Variants in JMJD6 observed in about 807,000 individuals in gnomAD.
JMJD6 encodes the protein bifunctional arginine demethylase and lysyl-hydroxylase JMJD6.
A neutral mutation model predicts 45.8 loss-of-function variants in JMJD6; 17 were observed. That is an observed-to-expected ratio of 0.37 (90% CI 0.25 to 0.56). JMJD6 has a LOEUF of 0.56. Ranked by LOEUF, JMJD6 falls within the 20% of genes least tolerant of loss-of-function variation. JMJD6 has a pLI of 0.79. For synonymous variants in JMJD6, 221 were observed against 196.3 expected (o/e 1.13, Z -1.05); for missense variants, 470 against 517.5 (o/e 0.91, Z 0.89).
chr17:76,726,129 T>G (rs928971167), intron 1 of JMJD6, among the ~76,000 whole-genome samples: 1 of 152,160 alleles, frequency 6.6e-6, no homozygotes, highest in Non-Finnish European at 1.5e-5. Flanking sequence ...GGCGTGGGAC[T>G]CCCGTCGTCC....
chr17:76,722,469 C>T (rs746597224), intron 3 of JMJD6, among the ~76,000 whole-genome samples: 3 of 152,190 alleles, frequency 2.0e-5, no homozygotes, highest in Non-Finnish European at 4.4e-5. Context: ...GCAATCCCAG[C>T]ACTTTGGGAG....
At chr17:76,716,942 T>G (rs2076769281), downstream of JMJD6, among the ~76,000 whole-genome samples, 1 of 151,622 alleles carries the variant, frequency 6.6e-6, no homozygotes, top group South Asian at 2.1e-4. Context: ...GCAGGAAGAG[T>G]CTAAGTATGG....
chr17:76,716,590 C>A, downstream of JMJD6: 1 of 1,131,294 alleles, frequency 8.8e-7, no homozygotes, highest in Admixed American at 1.8e-5. Flanking sequence ...TCAAAGAAGA[C>A]AGAGGAGAAG....
chr17:76,720,513 G>T lies in JMJD6; in HGVS notation c.942-15C>A, dbSNP rs749627781. 1.2e-6 allele frequency: 2 copies of T among 1,613,570 alleles called. No individual in the cohort carries two copies. Among genetic ancestry groups the T allele is most frequent in the Admixed American group, 3.3e-5 (2 of 60,010 alleles). On this transcript the variant is annotated splice_polypyrimidine_tract_variant and intron_variant, in intron 4 of 5. Transcript: ENST00000397625. ...GCTTCAAAATCCTGAGAGGCAAGAAGTGTTGTTCTCAGTGCACTGACAGCC... is the reference window on the plus strand; with the variant it reads ...GCTTCAAAATCCTGAGAGGCAAGAATTGTTGTTCTCAGTGCACTGACAGCC...
chr17:76,713,296 C>T (rs1567994907), exon 7 of JMJD6: 1 of 152,226 alleles, frequency 6.6e-6, no homozygotes. Flanking sequence ...CGGGGTTTCA[C>T]CGTGTTGGCC....
intron 3 of JMJD6, among the ~76,000 whole-genome samples, chr17:76,722,996 G>C: frequency 6.7e-6 from 1 of 148,616 alleles, no homozygotes; most frequent in Non-Finnish European, 1.5e-5. Flanking sequence ...ACCCAGGCTG[G>C]AGTGCAGTGA....
chr17:76,713,846 A>G (rs1056967579), downstream of JMJD6: 10 of 152,190 alleles, frequency 6.6e-5, no homozygotes, highest in Non-Finnish European at 1.0e-4. Flanking sequence ...TTTCATGTAG[A>G]TCCGTTACAC....
Position 76,725,488 on chromosome 17 carries a change from T to G in JMJD6, c.497A>C (p.Glu166Ala). Reference protein sequence around the residue: ...FTDDLFQYAGEKRRPPYRWFV... With the variant: ...FTDDLFQYAGAKRRPPYRWFV... ...TTACCTGTAAGGGGGCCTGCGCTTC[T>G]CCCCAGCATACTGGAAAAGGTCATC... Residue 166 changes from glutamate (E) to alanine (A), a missense_variant, in exon 2 of 6, where the codon GAG (glutamate) becomes GCG (alanine). Glu to Ala is a moderately radical substitution (Grantham distance 107). Around this residue, in one of 4 missense-constraint regions of JMJD6, gnomAD observed 346 missense variants for 339.5 expected, o/e 1.02. Transcript: ENST00000397625. 1 of 1,611,108 alleles carries G rather than the reference T, an allele frequency of 6.2e-7. No homozygotes were observed. Among genetic ancestry groups the G allele is most frequent in the Non-Finnish European group, 8.5e-7 (1 of 1,178,758 alleles).
At chr17:76,720,990 G>C (rs1041097006) in intron 4 of JMJD6, among the ~76,000 whole-genome samples, 47 of 152,190 alleles carry the variant, frequency 3.1e-4, no homozygotes, top group African/African-American at 1.1e-3. Context: ...AAATAACAGA[G>C]ATGGTCCCCC....
In JMJD6 at chr17:76,723,849, G is replaced by A; in HGVS notation, c.728C>T (p.Thr243Ile). Residue 243 changes from threonine (T) to isoleucine (I), a missense_variant, in exon 3 of 6, where the codon ACA (threonine) becomes ATA (isoleucine). Physicochemically the swap from Thr to Ile is moderately conservative, Grantham distance 89. Coordinates refer to ENST00000397625, the MANE Select transcript of JMJD6 (RefSeq NM_015167.3). ...TTCAGGTGGCCAGGTTGGAAGCTGT[G>A]TCCGGGGATAAATAACATTAAACCA... Reference protein sequence around the residue: ...ITWFNVIYPRTQLPTWPPEFK... With the variant: ...ITWFNVIYPRIQLPTWPPEFK... The A allele has an allele frequency of 6.2e-7, 1 of 1,614,158 alleles. No homozygotes were observed.
At chr17:76,725,092 G>A (rs1000259948) in intron 2 of JMJD6, among the ~76,000 whole-genome samples, 1 of 152,118 alleles carries the variant, frequency 6.6e-6, no homozygotes, top group African/African-American at 2.4e-5. Flanking sequence ...TGAACTCAGC[G>A]AGCAAATGCT....
chr17:76,718,808 C>T lies in JMJD6; in HGVS notation c.1133G>A (p.Arg378Lys). ...DGTVHRRKKRRTCSMVGNGDT... is the reference protein window; with the variant it reads ...DGTVHRRKKRKTCSMVGNGDT... ...CCCGTTTCCCACCATGCTGCACGTC[C>T]TCCTCTTCTTCCTGCGGTGCACTGT... The change falls in exon 6 of 6, where the codon AGG (arginine) becomes AAG (lysine). Residue 378 changes from arginine to lysine, a missense_variant. Transcript: ENST00000397625. The T allele has an allele frequency of 1.2e-6, 2 of 1,614,240 alleles. No homozygotes were observed. Among genetic ancestry groups the T allele is most frequent in the Non-Finnish European group, 1.7e-6 (2 of 1,180,036 alleles).
At chr17:76,725,981 G>A in intron 1 of JMJD6, 126 bp from the exon 2 acceptor site, 2 of 1,245,082 alleles carry the variant, frequency 1.6e-6, no homozygotes, top group African/African-American at 1.5e-5. Flanking sequence ...TGGCTCCTCC[G>A]GGGTGGGGGC....
rs763494630 is a variant in JMJD6, at chr17:76,718,606, G to C, written c.*123C>G. 1.3e-6 allele frequency: 2 copies of C among 1,481,878 alleles called. No individual in the cohort carries two copies. Among genetic ancestry groups the C allele is most frequent in the South Asian group, 1.4e-5 (1 of 71,636 alleles). The allele number at this position is 1,481,878 out of a possible 1,614,324, so 91.8% of individuals were successfully genotyped here. On this transcript the variant is annotated 3_prime_UTR_variant, in exon 6 of 6. Transcript: ENST00000397625. ...CTAAGTGAATGGGTTCCCGTGCCGA[G>C]GGTGTCCTCATTCTTGGGCTCTGTC... is the stretch of plus-strand genomic sequence containing the variant.
At chr17:76,719,293 AT>A (rs58807055) in intron 5 of JMJD6, among the ~76,000 whole-genome samples, 148,118 of 149,666 alleles carry the variant, frequency 0.99, 73,300 homozygotes, top group East Asian at 1. Context: ...AAAAGACAGA[AT>A]TTTTTTTTTT....
rs764531571 is a variant in JMJD6 at position 76,721,780 on chromosome 17, GAA to G, written c.941+16_941+17del. On this transcript the variant is annotated intron_variant, in intron 4 of 5. Transcript: ENST00000397625. The stretch of plus-strand genomic sequence containing the variant: ...CGAAATTGAAACCAAGCAGAAATAA[GAA>G]AAAAATGACTCTCACCTATACCATT... 6.2e-7 allele frequency: 1 copy of G among 1,608,168 alleles called. No individual in the cohort carries two copies. The highest frequency in any genetic ancestry group is 8.5e-7 in the Non-Finnish European group (1 of 1,177,014).
chr17:76,713,867 G>A (rs1010146829), downstream of JMJD6: 1 of 152,118 alleles, frequency 6.6e-6, no homozygotes, highest in African/African-American at 2.4e-5. Context: ...CTGCATTTAA[G>A]AAGGTCTGCA....
rs1216623355 is a variant in JMJD6 at position 76,726,330 on chromosome 17, C to G, written c.129+17G>C. On this transcript the variant is annotated intron_variant, in intron 1 of 5. Transcript: ENST00000397625. Reference sequence around the variant, plus strand: ...GTGCCGATGCCCGGCCTGGCCACCCCCGCCCGACCCGCTCACCGCCACGGC... The same window carrying G: ...GTGCCGATGCCCGGCCTGGCCACCCGCGCCCGACCCGCTCACCGCCACGGC... 2.6e-6 allele frequency: 4 copies of G among 1,557,308 alleles called. No individual in the cohort carries two copies. Among genetic ancestry groups the G allele is most frequent in the Non-Finnish European group, 3.5e-6 (4 of 1,155,636 alleles).
chr17:76,717,817 T>G (rs941082080), downstream of JMJD6, among the ~76,000 whole-genome samples: 4 of 141,588 alleles, frequency 2.8e-5, no homozygotes, highest in Middle Eastern at 3.6e-3. Context: ...GGTGAAACCC[T>G]GTCTCTACTA....
Sources: gnomAD v4.1 joint callset for allele counts (sites outside exome capture counted in the v4.1 genomes callset) on GRCh38, gnomAD v4.1.1 for gene constraint, gnomAD v4.1.1 regional missense constraint, MANE v1.5 for transcripts, NCBI Gene and HGNC (gene_info 2026-07-23, HGNC 2026-07-21) for gene names.